ZNF471: variants seen among roughly 807,000 people sequenced by gnomAD.
ZNF471 encodes EZFIT-related protein 1.
ZNF471 carries 7 observed loss-of-function variants against 13.7 expected under a neutral mutation model. The ratio of observed to expected loss-of-function variants is 0.51; its 90% CI spans 0.29 to 0.96. The LOEUF (loss-of-function observed/expected upper bound fraction) is 0.96. ZNF471 is among the 40% of genes least tolerant of loss of function. The pLI is 0.08. For synonymous variants in ZNF471, 218 were observed against 235.6 expected, an observed-to-expected ratio of 0.93 and a Z score of 0.68; for missense variants, 663 against 743.3, an observed-to-expected ratio of 0.89 and a Z score of 1.26.
At chr19:56,518,067 A>G (rs554978137) in intron 3 of ZNF471, among the ~76,000 whole-genome samples, 8 of 152,084 alleles carry the variant, frequency 5.3e-5, no homozygotes, top group Non-Finnish European at 1.0e-4. Flanking sequence ...TCCTTTTCTT[A>G]TGTCAAGTAA....
In ZNF471 at chr19:56,528,706, C is replaced by G. The variant is rs575410414; in HGVS notation, c.*2758C>G. ...AAATAGAACATGTTTTAAGAAGTGG[C>G]TATATAGCTCTGGATAAAACGAACA... On this transcript the variant is annotated 3_prime_UTR_variant, in exon 5 of 5. Transcript: ENST00000308031. The G allele has an allele frequency of 1.3e-5, 2 of 152,166 alleles. No individual in the cohort carries two copies. The highest frequency in any genetic ancestry group is 4.1e-4 in the South Asian group (2 of 4,824). The allele number at this position is 152,166 out of a possible 1,614,324, so 9.4% of individuals were successfully genotyped here. A position where few individuals can be genotyped will look rare whatever the true frequency, so the allele number is the denominator to read the frequency against.
At position 56,524,447 on chromosome 19, in the gene ZNF471, G is replaced by C. The variant is rs1298748170; in HGVS notation, c.380G>C (p.Trp127Ser). Residue 127 changes from tryptophan (W) to serine (S), a missense_variant, in exon 5 of 5, where the codon TGG becomes TCG. Trp to Ser is a radical substitution (Grantham distance 177, BLOSUM62 -3). Transcript: ENST00000308031. This position sits in a 1 kb window ranked among gnomAD's most constrained non-coding sequence, Gnocchi z 4.8. The part of the protein sequence containing the change: ...ECSTFEENWK[W>S]EDLFEKQMGS... The stretch of plus-strand genomic sequence containing the variant: ...TCCACTTTTGAAGAAAATTGGAAAT[G>C]GGAAGACCTTTTTGAGAAGCAGATG... 1 of 1,613,662 alleles carries C rather than the reference G, an allele frequency of 6.2e-7. No individual in the cohort carries two copies. Among genetic ancestry groups the C allele is most frequent in the Non-Finnish European group, 8.5e-7 (1 of 1,179,942 alleles).
chr19:56,521,465 C>T (rs1242743632), intron 4 of ZNF471, among the ~76,000 whole-genome samples: 9 of 151,862 alleles, frequency 5.9e-5, no homozygotes, highest in Middle Eastern at 3.2e-3. Context: ...GGTGAAACCC[C>T]GTCTCTGTTA....
rs764522404 is a variant in ZNF471, at chr19:56,524,838, T to G, written c.771T>G (p.Thr257=). The G allele has an allele frequency of 1.2e-6, 2 of 1,612,106 alleles. No homozygotes were observed. The highest frequency in any genetic ancestry group is 2.2e-5 in the East Asian group (1 of 44,864). ...QHLAQHHRTH[T]GEKLFECKEC... is the part of the protein sequence containing the mutation. ...TTGCTCAACATCACAGAACACATACTGGAGAGAAACTCTTTGAATGTAAAG... is the reference window on the plus strand; with the variant it reads ...TTGCTCAACATCACAGAACACATACGGGAGAGAAACTCTTTGAATGTAAAG... The change falls in exon 5 of 5, where the codon ACT becomes ACG. Residue 257 remains threonine (T), a synonymous_variant. Transcript: ENST00000308031. This position sits in a 1 kb window ranked among gnomAD's most constrained non-coding sequence, Gnocchi z 4.8.
chr19:56,525,977 G>T lies in ZNF471; in HGVS notation c.*29G>T. 6.6e-7 allele frequency: 1 copy of T among 1,515,388 alleles called. No homozygotes were observed. The highest frequency in any genetic ancestry group is 1.4e-5 in the South Asian group (1 of 74,016). The allele number at this position is 1,515,388 out of a possible 1,614,324, so 93.9% of individuals were successfully genotyped here. On this transcript the variant is annotated 3_prime_UTR_variant, in exon 5 of 5. Transcript: ENST00000308031. ...TGTAGTGCATGTGGCCAAGCCTTTA[G>T]TTATCACCAATCCCCTACTGTTAAT...
chr19:56,525,595 A>T lies in ZNF471; in HGVS notation c.1528A>T (p.Thr510Ser), dbSNP rs2147930653. 1 of 1,614,044 alleles carries T rather than the reference A, an allele frequency of 6.2e-7. No homozygotes were observed. The highest frequency in any genetic ancestry group is 1.1e-5 in the South Asian group (1 of 91,086). The change falls in exon 5 of 5, where the codon ACT becomes TCT. Residue 510 changes from threonine (T) to serine (S), a missense_variant. Thr to Ser is a moderately conservative substitution (Grantham distance 58). Coordinates refer to ENST00000308031, the MANE Select transcript of ZNF471 (RefSeq NM_020813.4). ...SQLATHQRIH[T>S]GEKPYECIEC... The stretch of plus-strand genomic sequence containing the variant: ...GCTGGCTACTCATCAGAGAATTCAT[A>T]CTGGAGAGAAGCCTTATGAATGTAT...
chr19:56,520,940 A>G (rs768960870), intron 4 of ZNF471, among the ~76,000 whole-genome samples: 6 of 152,222 alleles, frequency 3.9e-5, no homozygotes, highest in Non-Finnish European at 5.9e-5. Context: ...GGTTTAATTG[A>G]CTTTTAGTGC....
In ZNF471 at chr19:56,525,319, C is replaced by T. The variant is rs531659181; in HGVS notation, c.1252C>T (p.Arg418Cys). 31 of 1,611,800 alleles carry T rather than the reference C, an allele frequency of 1.9e-5. No homozygotes were observed. The highest frequency in any genetic ancestry group is 2.3e-5 in the Non-Finnish European group (27 of 1,178,494). Reference protein sequence around the residue: ...CGKTFSSGSSRTVHQRIHTGE... With the variant: ...CGKTFSSGSSCTVHQRIHTGE... ...AAAAACCTTCAGCTCGGGTTCATCCCGTACTGTACATCAGAGAATTCATAC... is the reference window on the plus strand; with the variant it reads ...AAAAACCTTCAGCTCGGGTTCATCCTGTACTGTACATCAGAGAATTCATAC... Residue 418 changes from arginine (R) to cysteine (C), a missense_variant, in exon 5 of 5, where the codon CGT (arginine) becomes TGT (cysteine). Transcript: ENST00000308031.
rs766583196 is a variant in ZNF471, at chr19:56,529,347, C to G, written c.*3399C>G. ...TTGACTCCTTACACAGAAGTTCATT[C>G]TATACTCATTACAGATGTAAGAGGT... On this transcript the variant is annotated 3_prime_UTR_variant, in exon 5 of 5. Transcript: ENST00000308031. 1.0e-4 allele frequency: 15 copies of G among 148,580 alleles called. No homozygotes were observed. The highest frequency in any genetic ancestry group is 3.4e-4 in the Admixed American group (5 of 14,824). 9.2% of individuals were successfully genotyped at this position (148,580 alleles called of 1,614,324 possible). A position where few individuals can be genotyped will look rare whatever the true frequency, so the allele number is the denominator to read the frequency against.
At chr19:56,509,805 T>C (rs1182351589) in intron 1 of ZNF471, 3 of 973,026 alleles carry the variant, frequency 3.1e-6, no homozygotes, top group African/African-American at 1.8e-5. Context: ...GTGAGTGGAG[T>C]AGGAGAAACA....
rs2044071903 is a variant in ZNF471, at chr19:56,528,334, A to T, written c.*2386A>T. ...GTTAGATAAGTATTCTCCAGAATTG[A>T]TGTAAATTATTTTTAAACAGTGCAT... On this transcript the variant is annotated 3_prime_UTR_variant, in exon 5 of 5. Coordinates refer to ENST00000308031, the MANE Select transcript of ZNF471 (RefSeq NM_020813.4). 6.6e-6 allele frequency: 1 copy of T among 152,258 alleles called. No homozygotes were observed. Among genetic ancestry groups the T allele is most frequent in the African/African-American group, 2.4e-5 (1 of 41,466 alleles). The allele number at this position is 152,258 out of a possible 1,614,324, so 9.4% of individuals were successfully genotyped here.
At chr19:56,523,589 A>T (rs2044002863) in intron 4 of ZNF471, among the ~76,000 whole-genome samples, 1 of 152,194 alleles carries the variant, frequency 6.6e-6, no homozygotes, top group Non-Finnish European at 1.5e-5. Flanking sequence ...ATCACAAGCC[A>T]TAGGGTATAT....
Position 56,527,827 on chromosome 19 carries a change from C to G in ZNF471, c.*1879C>G, listed in dbSNP as rs973703962. 6.6e-6 allele frequency: 1 copy of G among 152,224 alleles called. No homozygotes were observed. The highest frequency in any genetic ancestry group is 1.9e-4 in the East Asian group (1 of 5,192). The allele number at this position is 152,224 out of a possible 1,614,324, so 9.4% of individuals were successfully genotyped here. ...GTGAGTTCATTTCAGGCAGCCAGCT[C>G]TTCCTCACCCACTACATCACCAAGT... is the stretch of plus-strand genomic sequence containing the variant. On this transcript the variant is annotated 3_prime_UTR_variant, in exon 5 of 5. Coordinates refer to ENST00000308031, the MANE Select transcript of ZNF471 (RefSeq NM_020813.4).
At chr19:56,511,908 A>C (rs556671645) in intron 2 of ZNF471, among the ~76,000 whole-genome samples, 1 of 152,338 alleles carries the variant, frequency 6.6e-6, no homozygotes, top group Non-Finnish European at 1.5e-5. Flanking sequence ...TGTTAGTACT[A>C]GTGAGTTGGG....
chr19:56,523,596 A>G (rs953079707), intron 4 of ZNF471, among the ~76,000 whole-genome samples: 9 of 152,196 alleles, frequency 5.9e-5, no homozygotes. Context: ...GCCATAGGGT[A>G]TATGGTTACT....
intron 2 of ZNF471, among the ~76,000 whole-genome samples, chr19:56,514,234 G>C (rs1477984668): frequency 6.6e-6 from 1 of 151,640 alleles, no homozygotes; most frequent in Non-Finnish European, 1.5e-5. Flanking sequence ...GCCAATTTTT[G>C]TATTTTTGGT....
chr19:56,520,555 C>T (rs1326785016), intron 4 of ZNF471, among the ~76,000 whole-genome samples: 2 of 152,084 alleles, frequency 1.3e-5, no homozygotes, highest in Non-Finnish European at 2.9e-5. Context: ...GTTTGTGTGC[C>T]CCTGAAATTC....
intron 2 of ZNF471, among the ~76,000 whole-genome samples, chr19:56,512,798 G>A (rs2043829224): frequency 6.6e-6 from 1 of 152,082 alleles, no homozygotes; most frequent in African/African-American, 2.4e-5. Flanking sequence ...AGTGGAAAAT[G>A]TGTTTTCATG....
rs2043767666 is a variant in ZNF471, at chr19:56,508,621, C to T, written c.-56+701C>T. Among the ~76,000 whole-genome samples, 1 of 151,016 alleles carries T rather than the reference C, an allele frequency of 6.6e-6. No individual in the cohort carries two copies. Among genetic ancestry groups the T allele is most frequent in the Non-Finnish European group, 1.5e-5 (1 of 67,878 alleles). Reference sequence around the variant, plus strand: ...GAGAAGAATCACCATGTATGCGAGACTAGACTGTGCAAGAACAGAGTGTGA... The same window carrying T: ...GAGAAGAATCACCATGTATGCGAGATTAGACTGTGCAAGAACAGAGTGTGA... On this transcript the variant is annotated intron_variant, in intron 1 of 4. Transcript: ENST00000308031. The surrounding 1 kb of genome is among the most constrained non-coding windows in gnomAD (Gnocchi z 4.7).
Sources: gnomAD v4.1 joint callset for allele counts (sites outside exome capture counted in the v4.1 genomes callset) on GRCh38, gnomAD v4.1.1 for gene constraint, Gnocchi (gnomAD v3.1) non-coding constraint, MANE v1.5 for transcripts, NCBI Gene and HGNC (gene_info 2026-07-23, HGNC 2026-07-21) for gene names.